The following PSKH1 variants were observed in gnomAD, a reference collection of about 807,000 sequenced individuals.
PSKH1 encodes the protein serine/threonine-protein kinase H1.
A neutral mutation model predicts 26.7 loss-of-function variants in PSKH1; 12 were observed. That is an observed-to-expected ratio of 0.45 (90% CI 0.29 to 0.73). PSKH1 has a LOEUF of 0.73. Ranked by LOEUF, PSKH1 falls within the 30% of genes least tolerant of loss-of-function variation. The probability of loss-of-function intolerance (pLI) is 0.11; values close to 1 mark genes in which losing one functional copy is unlikely to be tolerated. For synonymous variants in PSKH1, 213 were observed against 234.3 expected (o/e 0.91, Z 0.83); for missense variants, 431 against 595.2 (o/e 0.72, Z 2.87).
chr16:67,908,793 A>G lies in PSKH1; in HGVS notation c.44A>G (p.Asp15Gly), dbSNP rs976552733. Reference sequence around the variant, plus strand: ...AAGGTCCTTCCCGAGCCACCCAAGGATGTCCAGCTGGATCTGGTCAAGAAG... The same window carrying G: ...AAGGTCCTTCCCGAGCCACCCAAGGGTGTCCAGCTGGATCTGGTCAAGAAG... The part of the protein sequence containing the change: ...TSKVLPEPPK[D>G]VQLDLVKKVE... Residue 15 changes from aspartate (D) to glycine (G), a missense_variant, in exon 2 of 3, where the codon GAT becomes GGT. Physicochemically the swap from Asp to Gly is moderately conservative, Grantham distance 94. Transcript: ENST00000291041. 1.9e-6 allele frequency: 3 copies of G among 1,609,838 alleles called. No individual in the cohort carries two copies. The highest frequency in any genetic ancestry group is 2.5e-6 in the Non-Finnish European group (3 of 1,177,434).
chr16:67,911,242 G>T (rs1033589335), intron 2 of PSKH1, among the ~76,000 whole-genome samples: 12 of 152,196 alleles, frequency 7.9e-5, no homozygotes, highest in African/African-American at 2.9e-4. Flanking sequence ...TTCAGATATG[G>T]ACCTGCTGAG....
Position 67,909,090 on chromosome 16 carries a change from G to A in PSKH1, c.341G>A (p.Arg114His), listed in dbSNP as rs768402377. 6 of 1,614,200 alleles carry A rather than the reference G, an allele frequency of 3.7e-6. No homozygotes were observed. The highest frequency in any genetic ancestry group is 1.3e-5 in the African/African-American group (1 of 75,056). ...IGRGSFSRVV[R>H]VEHRATRQPY... ...CGAGGCAGCTTCAGCCGAGTGGTACGTGTAGAGCACCGGGCAACCCGGCAG... is the reference window on the plus strand; with the variant it reads ...CGAGGCAGCTTCAGCCGAGTGGTACATGTAGAGCACCGGGCAACCCGGCAG... Residue 114 changes from arginine to histidine, a missense_variant, in exon 2 of 3, where the codon CGT (arginine) becomes CAT (histidine). By Grantham distance (29) the Arg-to-His change is conservative. Transcript: ENST00000291041. The surrounding 1 kb of genome is among the most constrained non-coding windows in gnomAD (Gnocchi z 7.8).
intron 1 of PSKH1, among the ~76,000 whole-genome samples, chr16:67,894,109 G>A (rs1478124320): frequency 2.0e-5 from 3 of 152,206 alleles, no homozygotes; most frequent in Non-Finnish European, 4.4e-5. Flanking sequence ...GTTTATTGTT[G>A]TTAAAACGTG....
In PSKH1 at chr16:67,927,519, G is replaced by C; in HGVS notation, c.1152G>C (p.Gln384His). ...NLLKRASSRC[Q>H]STKSAQSTRS... ...TTAAACGTGCCTCCTCGCGCTGCCA[G>C]AGCACCAAATCTGCCCAGTCCACGC... The change falls in exon 3 of 3, where the codon CAG (glutamine) becomes CAC (histidine). Residue 384 changes from glutamine to histidine, a missense_variant. Transcript: ENST00000291041. This position sits in a 1 kb window ranked among gnomAD's most constrained non-coding sequence, Gnocchi z 5.5. 1 of 1,614,166 alleles carries C rather than the reference G, an allele frequency of 6.2e-7. No individual in the cohort carries two copies. Among genetic ancestry groups the C allele is most frequent in the Non-Finnish European group, 8.5e-7 (1 of 1,180,052 alleles).
At chr16:67,894,921 GTTTTTTTTTT>G (rs553685060) in intron 1 of PSKH1, among the ~76,000 whole-genome samples, 1 of 123,088 alleles carries the variant, frequency 8.1e-6, no homozygotes, top group African/African-American at 3.1e-5. Context: ...GTCTGAGTTA[GTTTTTTTTTT>G]TTTTTTTTTT....
Position 67,909,041 on chromosome 16 carries a change from T to G in PSKH1, c.292T>G (p.Tyr98Asp). The G allele has an allele frequency of 6.2e-7, 1 of 1,614,104 alleles. No individual in the cohort carries two copies. Among genetic ancestry groups the G allele is most frequent in the Non-Finnish European group, 8.5e-7 (1 of 1,180,020 alleles). Residue 98 changes from tyrosine (Y) to aspartate (D), a missense_variant, in exon 2 of 3, where the codon TAT (tyrosine) becomes GAT (aspartate). Physicochemically the swap from Tyr to Asp is radical, Grantham distance 160 (BLOSUM62 -3). Coordinates refer to ENST00000291041, the MANE Select transcript of PSKH1 (RefSeq NM_006742.3). This position sits in a 1 kb window ranked among gnomAD's most constrained non-coding sequence, Gnocchi z 7.8. ...AKFDPRVTAK[Y>D]DIKALIGRGS... ...GTTTGACCCACGTGTTACAGCTAAG[T>G]ATGACATCAAGGCCCTAATTGGCCG... is the stretch of plus-strand genomic sequence containing the variant.
chr16:67,919,281 C>T (rs921683738), intron 2 of PSKH1, among the ~76,000 whole-genome samples: 4 of 152,190 alleles, frequency 2.6e-5, no homozygotes, highest in Admixed American at 6.5e-5. Context: ...CTGTGATGGA[C>T]CCATCAGCTC....
chr16:67,919,542 C>T (rs1329508402), intron 2 of PSKH1, among the ~76,000 whole-genome samples: 1 of 152,220 alleles, frequency 6.6e-6, no homozygotes, highest in Non-Finnish European at 1.5e-5. Flanking sequence ...GGAAGGTTCC[C>T]TTGGGAAAAG....
At chr16:67,894,329 T>C (rs1288455771) in intron 1 of PSKH1, among the ~76,000 whole-genome samples, 3 of 152,116 alleles carry the variant, frequency 2.0e-5, no homozygotes, top group African/African-American at 7.2e-5. Flanking sequence ...AGTTTAAAAT[T>C]TTTTGTAGAG....
intron 1 of PSKH1, among the ~76,000 whole-genome samples, chr16:67,904,386 G>A (rs916805909): frequency 1.3e-5 from 2 of 151,506 alleles, no homozygotes; most frequent in African/African-American, 4.9e-5. Flanking sequence ...GTATTTTTTT[G>A]GTAGAGATGG....
At chr16:67,903,380 G>A (rs2058146938) in intron 1 of PSKH1, among the ~76,000 whole-genome samples, 1 of 151,960 alleles carries the variant, frequency 6.6e-6, no homozygotes. Flanking sequence ...TTGAACTCCT[G>A]GACTCAAGTA....
intron 2 of PSKH1, among the ~76,000 whole-genome samples, chr16:67,914,153 A>T (rs1434515651): frequency 6.8e-6 from 1 of 146,874 alleles, no homozygotes; most frequent in African/African-American, 2.5e-5. Flanking sequence ...CTGAAACTGA[A>T]TTTTTTTTTT....
intron 1 of PSKH1, among the ~76,000 whole-genome samples, chr16:67,893,586 TGTC>T: frequency 6.6e-6 from 1 of 152,360 alleles, no homozygotes; most frequent in South Asian, 2.1e-4. Context: ...CGGAACGTGC[TGTC>T]GTGCTGGATA....
At chr16:67,902,118 A>G (rs1010781854) in intron 1 of PSKH1, among the ~76,000 whole-genome samples, 5 of 151,962 alleles carry the variant, frequency 3.3e-5, no homozygotes, top group Non-Finnish European at 5.9e-5. Flanking sequence ...AAATTAACCA[A>G]GCATGGTGGC....
Position 67,927,394 on chromosome 16 carries a change from C to G in PSKH1, c.1027C>G (p.Arg343Gly), listed in dbSNP as rs770838620. ...DRLLTVDPGA[R>G]MTALQALRHP... ...CCTGCTGACAGTGGACCCTGGAGCC[C>G]GTATGACTGCACTGCAGGCCCTGAG... Residue 343 changes from arginine to glycine, a missense_variant, in exon 3 of 3, where the codon CGT becomes GGT. Coordinates refer to ENST00000291041, the MANE Select transcript of PSKH1 (RefSeq NM_006742.3). This position sits in a 1 kb window ranked among gnomAD's most constrained non-coding sequence, Gnocchi z 5.5. The G allele has an allele frequency of 1.2e-6, 2 of 1,614,182 alleles. No homozygotes were observed. Among genetic ancestry groups the G allele is most frequent in the Non-Finnish European group, 1.7e-6 (2 of 1,180,022 alleles).
chr16:67,899,331 A>ATTT (rs555492519), intron 1 of PSKH1, among the ~76,000 whole-genome samples: 640 of 128,232 alleles, frequency 5.0e-3, no homozygotes, highest in African/African-American at 0.014. Context: ...GCCAGACCAC[A>ATTT]TTTTTTTTTT....
chr16:67,910,102 T>G, intron 2 of PSKH1: 2 of 404,586 alleles, frequency 4.9e-6, no homozygotes, highest in Non-Finnish European at 8.8e-6. Flanking sequence ...TTCTTTTTGT[T>G]TTGTTTTTTT....
chr16:67,925,203 T>A (rs1314741123), intron 2 of PSKH1, among the ~76,000 whole-genome samples: 2 of 151,526 alleles, frequency 1.3e-5, no homozygotes, highest in African/African-American at 4.8e-5. Flanking sequence ...TGAATATTTT[T>A]TTTTTTTTTT....
intron 2 of PSKH1, among the ~76,000 whole-genome samples, chr16:67,925,879 AG>A (rs1267891182): frequency 1.3e-5 from 2 of 152,026 alleles, no homozygotes; most frequent in Non-Finnish European, 1.5e-5. Context: ...GCAGTGGGGA[AG>A]GGGGTAGGGA....
Sources: gnomAD v4.1 joint callset for allele counts (sites outside exome capture counted in the v4.1 genomes callset) on GRCh38, gnomAD v4.1.1 for gene constraint, Gnocchi (gnomAD v3.1) non-coding constraint, MANE v1.5 for transcripts, NCBI Gene and HGNC (gene_info 2026-07-23, HGNC 2026-07-21) for gene names.